FBXO25: variants seen among roughly 807,000 people sequenced by gnomAD.
FBXO25 encodes F-box only protein 25.
A neutral mutation model predicts 51.9 loss-of-function variants in FBXO25; 45 were observed. The ratio of observed to expected loss-of-function variants is 0.87; its 90% CI spans 0.68 to 1.11. The LOEUF (loss-of-function observed/expected upper bound fraction) is 1.11. Among genes scored for constraint, FBXO25 ranks in the 50% most tolerant of loss-of-function variants. The pLI, the probability that FBXO25 is intolerant of heterozygous loss-of-function variation, is 0.00. For missense variants in FBXO25, 507 were observed against 428.5 expected (o/e 1.18, Z -1.62); for synonymous variants, 199 against 151.0 (o/e 1.32, Z -2.33).
rs1457380816 is a variant in FBXO25, at chr8:475,792, T to C, written c.*6988T>C. 1 of 152,192 alleles carries C rather than the reference T, an allele frequency of 6.6e-6. No homozygotes were observed. The highest frequency in any genetic ancestry group is 1.9e-4 in the East Asian group (1 of 5,194). The allele number at this position is 152,192 out of a possible 1,614,324, so 9.4% of individuals were successfully genotyped here. On this transcript the variant is annotated 3_prime_UTR_variant, in exon 10 of 10. Coordinates refer to ENST00000350302, the MANE Select transcript of FBXO25 (RefSeq NM_183420.2). ...TGTTACTGAAATTTTTTTTTGTATATGTATGGACACTAGGATTTTCTACAT... is the reference window on the plus strand; with the variant it reads ...TGTTACTGAAATTTTTTTTTGTATACGTATGGACACTAGGATTTTCTACAT...
At chr8:468,593 A>T (rs748575701) in intron 9 of FBXO25, 122 bp from the exon 10 acceptor site, 28 of 694,864 alleles carry the variant, frequency 4.0e-5, no homozygotes, top group Non-Finnish European at 5.9e-5. Flanking sequence ...GTTATCTCCC[A>T]TGTACCTCTG....
intron 7 of FBXO25, among the ~76,000 whole-genome samples, chr8:453,627 C>T (rs909717711): frequency 6.6e-6 from 1 of 152,082 alleles, no homozygotes; most frequent in Non-Finnish European, 1.5e-5. Flanking sequence ...ATTGCTGCCT[C>T]CCGCTTATTC....
intron 2 of FBXO25, among the ~76,000 whole-genome samples, chr8:417,128 C>A (rs1202374016): frequency 6.6e-6 from 1 of 152,172 alleles, no homozygotes; most frequent in Admixed American, 6.5e-5. Flanking sequence ...GTAAGGGGAG[C>A]CCGGAAGCGG....
chr8:460,720 G>C (rs978332688), intron 8 of FBXO25, among the ~76,000 whole-genome samples: 1 of 152,226 alleles, frequency 6.6e-6, no homozygotes, highest in Admixed American at 6.5e-5. Flanking sequence ...AAGTAGGAAT[G>C]AGACAACAAA....
intron 2 of FBXO25, among the ~76,000 whole-genome samples, chr8:421,288 T>G (rs1797137845): frequency 1.3e-5 from 2 of 152,190 alleles, no homozygotes; most frequent in African/African-American, 4.8e-5. Context: ...CTCGCCCCAG[T>G]CTGTGGAAAA....
chr8:461,266 T>G (rs1264720803), intron 8 of FBXO25, among the ~76,000 whole-genome samples: 1 of 152,214 alleles, frequency 6.6e-6, no homozygotes, highest in East Asian at 1.9e-4. Context: ...TATTGGCATC[T>G]GTATTAGTCC....
chr8:452,057 G>A (rs774094528), intron 7 of FBXO25, among the ~76,000 whole-genome samples: 63 of 152,256 alleles, frequency 4.1e-4, no homozygotes, highest in East Asian at 1.3e-3. Flanking sequence ...ATATCTTAGC[G>A]GTGTGCCTTA....
intron 9 of FBXO25, among the ~76,000 whole-genome samples, chr8:463,682 A>C (rs1376884323): frequency 6.6e-6 from 1 of 152,228 alleles, no homozygotes; most frequent in East Asian, 1.9e-4. Flanking sequence ...TATGATCAGA[A>C]CTTAACAAGA....
At chr8:414,002 A>G (rs1023055312) in intron 2 of FBXO25, among the ~76,000 whole-genome samples, 1 of 152,176 alleles carries the variant, frequency 6.6e-6, no homozygotes, top group Non-Finnish European at 1.5e-5. Context: ...CTAGAATGTC[A>G]TGGGTCTAGT....
chr8:423,437 C>T (rs1232228907), intron 2 of FBXO25, among the ~76,000 whole-genome samples: 1 of 151,948 alleles, frequency 6.6e-6, no homozygotes, highest in African/African-American at 2.4e-5. Flanking sequence ...TTTTTTAACC[C>T]ACCCCCACTC....
At chr8:414,041 G>A (rs1225608322) in intron 2 of FBXO25, among the ~76,000 whole-genome samples, 1 of 152,150 alleles carries the variant, frequency 6.6e-6, no homozygotes, top group Non-Finnish European at 1.5e-5. Flanking sequence ...TTACATTTGT[G>A]TAATTATCAA....
At chr8:450,192 A>G (rs1008028929) in intron 6 of FBXO25, 109 bp downstream of exon 6, 35 of 627,230 alleles carry the variant, frequency 5.6e-5, no homozygotes, top group African/African-American at 3.6e-4. Context: ...GTCAAAAACA[A>G]TTGTGTAAAT....
At chr8:410,236 A>C (rs1002792944) in intron 1 of FBXO25, among the ~76,000 whole-genome samples, 2 of 152,158 alleles carry the variant, frequency 1.3e-5, no homozygotes, top group African/African-American at 4.8e-5. Flanking sequence ...ATGTAAACAC[A>C]CTTTATTATA....
chr8:465,636 C>A (rs1039956529), intron 9 of FBXO25, among the ~76,000 whole-genome samples: 1 of 152,162 alleles, frequency 6.6e-6, no homozygotes, highest in Non-Finnish European at 1.5e-5. Flanking sequence ...AGATTTTTTT[C>A]ATCTGTTTCA....
intron 5 of FBXO25, among the ~76,000 whole-genome samples, chr8:442,150 T>A (rs1392799010): frequency 6.6e-6 from 1 of 152,194 alleles, no homozygotes; most frequent in Non-Finnish European, 1.5e-5. Flanking sequence ...TACTGTTGTA[T>A]AATAATTTAT....
intron 7 of FBXO25, among the ~76,000 whole-genome samples, chr8:456,635 C>T (rs983243330): frequency 2.0e-5 from 3 of 152,190 alleles, no homozygotes; most frequent in African/African-American, 7.2e-5. Flanking sequence ...CAGGACAGCA[C>T]ACTAGTGCAG....
intron 9 of FBXO25, among the ~76,000 whole-genome samples, chr8:464,890 T>C (rs1196482561): frequency 6.6e-6 from 1 of 152,218 alleles, no homozygotes; most frequent in Non-Finnish European, 1.5e-5. Flanking sequence ...TGTTATGTGT[T>C]TTTGCAGTAG....
chr8:464,691 G>A (rs545244643), intron 9 of FBXO25, among the ~76,000 whole-genome samples: 1 of 152,148 alleles, frequency 6.6e-6, no homozygotes, highest in African/African-American at 2.4e-5. Flanking sequence ...TCTAAGTGTG[G>A]CTTTAAAAAT....
rs544447643 is a variant in FBXO25 at position 417,014 on chromosome 8, A to G, written c.134+3801A>G. Among the ~76,000 whole-genome samples, 3 of 152,304 alleles carry G rather than the reference A, an allele frequency of 2.0e-5. No homozygotes were observed. In the South Asian group the frequency reaches 6.2e-4, roughly 32 times the overall value. The stretch of plus-strand genomic sequence containing the variant: ...TAGGCAATGAGAGCAGGATGAATGG[A>G]TATCTGAGGGCAGGGCCTCCCCGGC... On this transcript the variant is annotated intron_variant, in intron 2 of 9. Coordinates refer to ENST00000350302, the MANE Select transcript of FBXO25 (RefSeq NM_183420.2).
Sources: allele counts gnomAD v4.1 joint callset (sites outside exome capture counted in the v4.1 genomes callset), GRCh38; gene constraint gnomAD v4.1.1; transcripts MANE v1.5; gene names NCBI Gene and HGNC (gene_info 2026-07-23, HGNC 2026-07-21).